USP2: variants seen among roughly 807,000 people sequenced by gnomAD.
USP2 encodes ubiquitin carboxyl-terminal hydrolase 2.
USP2 carries 33 observed loss-of-function variants against 72.0 expected under a neutral mutation model. The ratio of observed to expected loss-of-function variants is 0.46; its 90% confidence interval spans 0.35 to 0.61. The LOEUF is 0.61. USP2 is among the 20% of genes least tolerant of loss of function. USP2 has a pLI of 0.01. For missense variants in USP2, 691 were observed against 797.8 expected (o/e 0.87, Z 1.61); for synonymous variants, 296 against 312.5 (o/e 0.95, Z 0.56).
intron 2 of USP2, among the ~76,000 whole-genome samples, chr11:119,372,024 C>T (rs1950934614): frequency 6.6e-6 from 1 of 152,176 alleles, no homozygotes; most frequent in African/African-American, 2.4e-5. Flanking sequence ...GCGAGCGAGC[C>T]CATGCCAGCC....
chr11:119,357,704 T>C, intron 10 of USP2, 53 bp downstream of exon 10: 1 of 1,613,474 alleles, frequency 6.2e-7, no homozygotes. Context: ...GGGCCCCTTG[T>C]CATCAGTCAC....
At chr11:119,377,539 C>T (rs1304349363) in intron 1 of USP2, among the ~76,000 whole-genome samples, 2 of 152,158 alleles carry the variant, frequency 1.3e-5, no homozygotes, top group African/African-American at 4.8e-5. Flanking sequence ...GAGAGATGGT[C>T]CAGGAAGCCT....
chr11:119,377,011 C>T (rs1411344472), intron 1 of USP2, among the ~76,000 whole-genome samples: 1 of 152,184 alleles, frequency 6.6e-6, no homozygotes, highest in Non-Finnish European at 1.5e-5. Context: ...AACATTTTCA[C>T]AATTAAAAAA....
intron 5 of USP2, 48 bp downstream of exon 5, chr11:119,359,183 T>A: frequency 6.2e-7 from 1 of 1,612,362 alleles, no homozygotes; most frequent in Non-Finnish European, 8.5e-7. Flanking sequence ...CCTAAGAACC[T>A]GCTCCTACTG....
chr11:119,359,499 C>CG, intron 4 of USP2, 38 bp downstream of exon 4: 1 of 1,611,570 alleles, frequency 6.2e-7, no homozygotes, highest in African/African-American at 1.3e-5. Context: ...GAGGAGCATC[C>CG]GGGGGTAGGC....
In USP2 at chr11:119,358,805, T is replaced by C. The variant is rs1950715151; in HGVS notation, c.1205A>G (p.Lys402Arg). 3 of 1,613,990 alleles carry C rather than the reference T, an allele frequency of 1.9e-6. No individual in the cohort carries two copies. Among genetic ancestry groups the C allele is most frequent in the Non-Finnish European group, 2.5e-6 (3 of 1,180,052 alleles). The change falls in exon 7 of 13, where the codon AAA becomes AGA. Residue 402 changes from lysine to arginine, a missense_variant. Lys to Arg is a conservative substitution (Grantham distance 26). Transcript: ENST00000260187. ...CCTACTGTCTTCCCGTTCTAGATATTTTCTCCACATCTGTCGGCCTTTCTC... is the reference window on the plus strand; with the variant it reads ...CCTACTGTCTTCCCGTTCTAGATATCTTCTCCACATCTGTCGGCCTTTCTC... ...DDEKGRQMWR[K>R]YLEREDSRIG...
At chr11:119,374,199 C>T (rs1398330505) in intron 1 of USP2, among the ~76,000 whole-genome samples, 1 of 152,228 alleles carries the variant, frequency 6.6e-6, no homozygotes, top group Non-Finnish European at 1.5e-5. Context: ...CAGTGAGGGA[C>T]ACTCACTTCA....
Position 119,372,852 on chromosome 11 carries a change from T to C in USP2, c.629A>G (p.Gln210Arg), listed in dbSNP as rs1435420410. ...TGAGGGAGGGGCCTGGGAGGGCACC[T>C]GAGATGCACTGCCCTTGCGACCATA... is the stretch of plus-strand genomic sequence containing the variant. ...ENYGRKGSAS[Q>R]VPSQAPPSRV... The change falls in exon 2 of 13, where the codon CAG becomes CGG. Residue 210 changes from glutamine to arginine, a missense_variant. By Grantham distance (43) the Gln-to-Arg change is conservative. Coordinates refer to ENST00000260187, the MANE Select transcript of USP2 (RefSeq NM_004205.5). 1 of 1,607,296 alleles carries C rather than the reference T, an allele frequency of 6.2e-7. No individual in the cohort carries two copies. Among genetic ancestry groups the C allele is most frequent in the South Asian group, 1.1e-5 (1 of 90,150 alleles).
intron 3 of USP2, 142 bp downstream of exon 3, chr11:119,360,042 A>G: frequency 9.3e-7 from 1 of 1,077,818 alleles, no homozygotes; most frequent in South Asian, 1.5e-5. Flanking sequence ...CAATTCTGTG[A>G]AACACCAGCC....
chr11:119,373,029 G>C lies in USP2; in HGVS notation c.452C>G (p.Ser151Cys), dbSNP rs775551401. 4 of 1,613,788 alleles carry C rather than the reference G, an allele frequency of 2.5e-6. No homozygotes were observed. In the East Asian group the frequency reaches 8.9e-5, roughly 36 times the overall value. The change falls in exon 2 of 13, where the codon TCC (serine) becomes TGC (cysteine). Residue 151 changes from serine to cysteine, a missense_variant. By Grantham distance (112) the Ser-to-Cys change is moderately radical (BLOSUM62 -1). Transcript: ENST00000260187. The part of the protein sequence containing the change: ...DSQSDLARDF[S>C]SLRTSDSYRI... ...GTAGCTATCTGAGGTCCGGAGGCTG[G>C]AGAAATCCCGGGCCAGGTCTGATTG...
Position 119,374,381 on chromosome 11 carries a change from CCTT to C in USP2, c.-41-863_-41-861del, listed in dbSNP as rs550694753. ...TTGCACTGCAGGTGGCATTCCCAGT[CCTT>C]CCCTGCTCCAGTCCTGCAGCTGGGG... On this transcript the variant is annotated intron_variant, in intron 1 of 12. Coordinates refer to ENST00000260187, the MANE Select transcript of USP2 (RefSeq NM_004205.5). Among the ~76,000 whole-genome samples the C allele has an allele frequency of 1.2e-4, 18 of 152,366 alleles. No homozygotes were observed. In the East Asian group the frequency reaches 3.5e-3, roughly 29 times the overall value.
At chr11:119,361,124 C>T (rs1950757526) in intron 2 of USP2, among the ~76,000 whole-genome samples, 1 of 152,202 alleles carries the variant, frequency 6.6e-6, no homozygotes, top group South Asian at 2.1e-4. Flanking sequence ...CTCCTAAGGG[C>T]TGATTAAAGA....
Position 119,355,596 on chromosome 11 carries a change from C to T in USP2, c.*1239G>A, listed in dbSNP as rs1372361634. The T allele has an allele frequency of 2.0e-5, 3 of 152,268 alleles. No homozygotes were observed. The highest frequency in any genetic ancestry group is 1.3e-4 in the Admixed American group (2 of 15,280). The allele number at this position is 152,268 out of a possible 1,614,324, so 9.4% of individuals were successfully genotyped here. On this transcript the variant is annotated 3_prime_UTR_variant, in exon 13 of 13. Transcript: ENST00000260187. ...CTCCCAGGGCAGGACTGGAGACCAG[C>T]GCTAAGAAGAGCTGAGGGGTGGCCT...
At chr11:119,374,965 G>A (rs541014805) in intron 1 of USP2, among the ~76,000 whole-genome samples, 83 of 152,286 alleles carry the variant, frequency 5.5e-4, no homozygotes, top group Middle Eastern at 3.4e-3. Context: ...CACGTGAAGG[G>A]CTCCACAATG....
intron 12 of USP2, 37 bp from the exon 13 acceptor site, chr11:119,356,959 G>GGACC: frequency 6.5e-7 from 1 of 1,546,782 alleles, no homozygotes; most frequent in Non-Finnish European, 8.7e-7. Context: ...GGAGCGGGCA[G>GGACC]GACCGGGAGA....
In USP2 at chr11:119,380,563, G is replaced by C. The variant is rs1366622436; in HGVS notation, c.-42+910C>G. 4.9e-4 allele frequency among the ~76,000 whole-genome samples: 74 copies of C among 152,104 alleles called. 2 individuals carry two copies. The highest frequency in any genetic ancestry group is 4.8e-3 in the Admixed American group (74 of 15,280). ...GCCTTGGTGCACTTGTCTGCTCCCA[G>C]GACGTTTCTCGATGGCTCTCCCCGA... On this transcript the variant is annotated intron_variant, in intron 1 of 12. Transcript: ENST00000260187.
chr11:119,358,116 G>T (rs1728463036), intron 8 of USP2, 33 bp downstream of exon 8: 1 of 1,613,976 alleles, frequency 6.2e-7, no homozygotes, highest in South Asian at 1.1e-5. Context: ...ACAGGAGAGG[G>T]AGTTCAACAA....
At chr11:119,376,671 G>C (rs1951005973) in intron 1 of USP2, among the ~76,000 whole-genome samples, 1 of 152,276 alleles carries the variant, frequency 6.6e-6, no homozygotes, top group African/African-American at 2.4e-5. Flanking sequence ...GGGAGGTGCA[G>C]CAGAGTTCCT....
chr11:119,364,021 G>C, intron 2 of USP2: 1 of 1,216,650 alleles, frequency 8.2e-7, no homozygotes. Flanking sequence ...GCGGGCTTTG[G>C]CCCTCGCTTA....
Sources: gnomAD v4.1 joint callset for allele counts (sites outside exome capture counted in the v4.1 genomes callset) on GRCh38, gnomAD v4.1.1 for gene constraint, MANE v1.5 for transcripts, NCBI Gene and HGNC (gene_info 2026-07-23, HGNC 2026-07-21) for gene names.